The following CDH4 variants were observed in gnomAD, a reference collection of about 807,000 sequenced individuals.
CDH4 encodes the protein cadherin 4, also known as cadherin-4.
CDH4 carries 33 observed loss-of-function variants against 86.0 expected under a neutral mutation model. The observed-to-expected ratio is 0.38, with a 90% CI of 0.29 to 0.51. The LOEUF (loss-of-function observed/expected upper bound fraction) is 0.51. Ranked by LOEUF, CDH4 falls within the 20% of genes least tolerant of loss-of-function variation. CDH4 has a pLI of 0.86. For missense variants in CDH4, 1,114 were observed against 1,307.4 expected, an observed-to-expected ratio of 0.85 and a Z score of 2.28; for synonymous variants, 555 against 549.4, an observed-to-expected ratio of 1.01 and a Z score of -0.14.
At chr20:61,319,785 T>TAA (rs11351576) in intron 2 of CDH4, among the ~76,000 whole-genome samples, 39 of 142,272 alleles carry the variant, frequency 2.7e-4, no homozygotes, top group Non-Finnish European at 3.7e-4. Context: ...CCATCTCAAT[T>TAA]AAAAAAAAAA....
At chr20:61,804,017 G>A (rs978700597) in intron 4 of CDH4, among the ~76,000 whole-genome samples, 6 of 152,228 alleles carry the variant, frequency 3.9e-5, no homozygotes, top group Admixed American at 1.3e-4. Flanking sequence ...CAAGGAAGTT[G>A]CCAAACTCAC....
chr20:61,362,912 G>A (rs2084792198), intron 2 of CDH4, among the ~76,000 whole-genome samples: 1 of 152,202 alleles, frequency 6.6e-6, no homozygotes, highest in Non-Finnish European at 1.5e-5. Context: ...AACTTTTCAA[G>A]AATGTGAACA....
intron 2 of CDH4, among the ~76,000 whole-genome samples, chr20:61,432,569 A>G (rs1383788273): frequency 6.6e-6 from 1 of 152,122 alleles, no homozygotes; most frequent in African/African-American, 2.4e-5. Flanking sequence ...TTGAAAGTGC[A>G]TGTGTGTATG....
At chr20:61,262,987 A>G (rs968595844) in intron 2 of CDH4, among the ~76,000 whole-genome samples, 4 of 138,150 alleles carry the variant, frequency 2.9e-5, no homozygotes, top group African/African-American at 1.0e-4. Context: ...GAGAGAGAGC[A>G]AGCAAGCATT....
chr20:61,843,476 A>AAAAAAAC (rs1982273915), intron 4 of CDH4, among the ~76,000 whole-genome samples: 1 of 142,882 alleles, frequency 7.0e-6, no homozygotes, highest in Non-Finnish European at 1.6e-5. Context: ...AAAAAAAAAA[A>AAAAAAAC]AAGCCAGAAG....
chr20:61,384,635 T>C (rs2145455043), intron 2 of CDH4, among the ~76,000 whole-genome samples: 1 of 152,286 alleles, frequency 6.6e-6, no homozygotes, highest in East Asian at 1.9e-4. Flanking sequence ...CTAAACAGTT[T>C]CTTCTGACTT....
intron 2 of CDH4, among the ~76,000 whole-genome samples, chr20:61,685,791 G>A (rs1299053102): frequency 6.6e-6 from 1 of 152,186 alleles, no homozygotes; most frequent in Non-Finnish European, 1.5e-5. Context: ...CGTCCCATGT[G>A]CACCCTCAGC....
At chr20:61,883,891 C>CTT in intron 7 of CDH4, among the ~76,000 whole-genome samples, 1 of 152,300 alleles carries the variant, frequency 6.6e-6, no homozygotes, top group East Asian at 1.9e-4. Context: ...GAGAAACAGA[C>CTT]GGACAGACAG....
chr20:61,543,884 C>T (rs1158169776), intron 2 of CDH4, among the ~76,000 whole-genome samples: 3 of 152,234 alleles, frequency 2.0e-5, no homozygotes, highest in Admixed American at 6.5e-5. Context: ...GCCCTCCTCC[C>T]AGGACCCTGG....
intron 2 of CDH4, among the ~76,000 whole-genome samples, chr20:61,353,222 C>G (rs1376112424): frequency 1.3e-5 from 2 of 152,106 alleles, no homozygotes; most frequent in African/African-American, 4.8e-5. Flanking sequence ...GGAGGCAAAG[C>G]TTAGTTGGTG....
intron 2 of CDH4, among the ~76,000 whole-genome samples, chr20:61,602,975 C>T (rs997031151): frequency 2.6e-5 from 4 of 152,240 alleles, no homozygotes; most frequent in African/African-American, 4.8e-5. Flanking sequence ...CCAGCTCCTG[C>T]GTGATCTGCA....
chr20:61,803,589 G>A (rs1345527112), intron 4 of CDH4, among the ~76,000 whole-genome samples: 1 of 152,246 alleles, frequency 6.6e-6, no homozygotes, highest in Admixed American at 6.5e-5. Flanking sequence ...CCGCGGGCGA[G>A]CCGCAGGCCT....
chr20:61,314,835 G>A (rs1467241992), intron 2 of CDH4, among the ~76,000 whole-genome samples: 5 of 152,188 alleles, frequency 3.3e-5, no homozygotes, highest in Non-Finnish European at 7.4e-5. Flanking sequence ...ACAAGTGTGC[G>A]ATGACAGCGC....
chr20:61,923,818 G>T, intron 10 of CDH4, 114 bp downstream of exon 10: 1 of 1,350,454 alleles, frequency 7.4e-7, no homozygotes, highest in South Asian at 1.4e-5. Context: ...ATGGGTGGTC[G>T]GGGGCATCTC....
rs922685631 is a variant in CDH4 at position 61,778,211 on chromosome 20, G to A, written c.576+5029G>A. Among the ~76,000 whole-genome samples, 14 of 152,232 alleles carry A rather than the reference G, an allele frequency of 9.2e-5. No homozygotes were observed. The South Asian group carries it at 2.5e-3, about 27-fold the overall frequency. ...TTCCTGGCAGTGTTGTAGGGGAGAC[G>A]GCTCCTGGAAGAAGCCCCAATCACA... On this transcript the variant is annotated intron_variant, in intron 4 of 15. Coordinates refer to ENST00000614565, the MANE Select transcript of CDH4 (RefSeq NM_001794.5).
chr20:61,667,739 A>C (rs113345152), intron 2 of CDH4, among the ~76,000 whole-genome samples: 17 of 152,246 alleles, frequency 1.1e-4, no homozygotes, highest in African/African-American at 3.9e-4. Context: ...TATGTGCCCT[A>C]TATCCTGCTC....
intron 2 of CDH4, among the ~76,000 whole-genome samples, chr20:61,353,055 G>A (rs965945042): frequency 6.6e-6 from 1 of 152,024 alleles, no homozygotes; most frequent in African/African-American, 2.4e-5. Context: ...TCTTAGCTCC[G>A]CAGGTTTCTG....
chr20:61,818,628 T>G (rs34603093), intron 4 of CDH4, among the ~76,000 whole-genome samples: 62,355 of 150,320 alleles, frequency 0.41, 15,628 homozygotes, highest in Non-Finnish European at 0.57. Context: ...CAGTGAGCTA[T>G]GATTGCCCCA....
At chr20:61,558,436 T>C (rs1039503614) in intron 2 of CDH4, among the ~76,000 whole-genome samples, 1 of 152,122 alleles carries the variant, frequency 6.6e-6, no homozygotes, top group Non-Finnish European at 1.5e-5. Context: ...ACTTTGTAAA[T>C]CCTTTATCTT....
Sources: allele counts gnomAD v4.1 joint callset (sites outside exome capture counted in the v4.1 genomes callset), GRCh38; gene constraint gnomAD v4.1.1; transcripts MANE v1.5; gene names NCBI Gene and HGNC (gene_info 2026-07-23, HGNC 2026-07-21).